Variants in IL6ST observed in about 807,000 individuals in gnomAD.
IL6ST encodes the protein interleukin 6 cytokine family signal transducer.
Under a neutral mutation model 91.3 loss-of-function variants are expected in IL6ST, and 24 were observed. That is an observed-to-expected ratio of 0.26 (90% confidence interval 0.19 to 0.37). The LOEUF (loss-of-function observed/expected upper bound fraction) is 0.37. IL6ST is among the 10% of genes least tolerant of loss of function. The probability of loss-of-function intolerance (pLI) is 1.00; values close to 1 mark genes in which losing one functional copy is unlikely to be tolerated. For missense variants in IL6ST, 914 were observed against 1,078.5 expected (o/e 0.85, Z 2.14); for synonymous variants, 351 against 373.6 (o/e 0.94, Z 0.70).
intron 5 of IL6ST, among the ~76,000 whole-genome samples, chr5:55,964,674 A>G (rs1352345877): frequency 6.6e-6 from 1 of 151,996 alleles, no homozygotes; most frequent in Non-Finnish European, 1.5e-5. Flanking sequence ...TTTAAGCACA[A>G]TATGCTAGAA....
chr5:55,982,971 T>C lies in IL6ST; in HGVS notation c.-103-160A>G, dbSNP rs1224091001. ...CAGAATAAAATAAACCCATAAACAC[T>C]TGTATAAGAGTATTCAAATATTCTA... On this transcript the variant is annotated intron_variant, in intron 1 of 16. Transcript: ENST00000381298. Among the ~76,000 whole-genome samples the C allele has an allele frequency of 5.9e-5, 9 of 152,216 alleles. No homozygotes were observed. In the East Asian group the frequency reaches 1.5e-3, roughly 26 times the overall value.
chr5:55,992,392 T>G (rs1198427135), intron 1 of IL6ST, among the ~76,000 whole-genome samples: 1 of 152,184 alleles, frequency 6.6e-6, no homozygotes, highest in African/African-American at 2.4e-5. Context: ...GCTGTCTATG[T>G]ATGACCTTTA....
At chr5:55,971,896 A>G (rs1232298334) in intron 3 of IL6ST, among the ~76,000 whole-genome samples, 1 of 152,200 alleles carries the variant, frequency 6.6e-6, no homozygotes, top group Non-Finnish European at 1.5e-5. Context: ...CTTTGTTTCA[A>G]ACTTATAATG....
chr5:55,956,657 C>T (rs1751994920), intron 9 of IL6ST, among the ~76,000 whole-genome samples: 1 of 152,092 alleles, frequency 6.6e-6, no homozygotes, highest in South Asian at 2.1e-4. Flanking sequence ...AACAACATTC[C>T]TCTTCTTATA....
intron 3 of IL6ST, among the ~76,000 whole-genome samples, chr5:55,974,903 T>C (rs974259852): frequency 6.6e-6 from 1 of 151,430 alleles, no homozygotes; most frequent in African/African-American, 2.4e-5. Context: ...GTCCTACAGC[T>C]AGTAAGGGGG....
intron 2 of IL6ST, among the ~76,000 whole-genome samples, chr5:55,978,811 T>C (rs760714987): frequency 4.0e-5 from 6 of 151,818 alleles, no homozygotes; most frequent in Non-Finnish European, 8.8e-5. Flanking sequence ...TCCTATCAAG[T>C]TGTAACTAAA....
chr5:55,938,044 T>C lies in IL6ST; in HGVS notation c.*3038A>G, dbSNP rs748007853. 3.7e-5 allele frequency: 7 copies of C among 188,292 alleles called. No individual in the cohort carries two copies. The highest frequency in any genetic ancestry group is 8.5e-5 in the East Asian group (1 of 11,724). 11.7% of individuals were successfully genotyped at this position (188,292 alleles called of 1,614,324 possible). A position where few individuals can be genotyped will look rare whatever the true frequency, so the allele number is the denominator to read the frequency against. ...GGTAGAAAAAAGACATCTTTAATAA[T>C]TGATTTCTATTTCTCAAACTAGATG... On this transcript the variant is annotated 3_prime_UTR_variant, in exon 17 of 17. Transcript: ENST00000381298.
chr5:55,960,706 C>T (rs1256075155), intron 7 of IL6ST, 145 bp from the exon 8 acceptor site: 3 of 613,744 alleles, frequency 4.9e-6, no homozygotes, highest in Non-Finnish European at 8.1e-6. Flanking sequence ...TGGCTCAACA[C>T]AACCTCTACC....
rs1181157289 is a variant in IL6ST at position 55,939,146 on chromosome 5, G to A, written c.*1936C>T. On this transcript the variant is annotated 3_prime_UTR_variant, in exon 17 of 17. Transcript: ENST00000381298. ...AAAATGTAATAGGTATAAATTTCCT[G>A]ACACATACAGCAAGACAAATCCAGC... 1.9e-5 allele frequency: 4 copies of A among 210,540 alleles called. No homozygotes were observed. Among genetic ancestry groups the A allele is most frequent in the Non-Finnish European group, 3.9e-5 (4 of 103,646 alleles). The allele number at this position is 210,540 out of a possible 1,614,324, so 13.0% of individuals were successfully genotyped here.
At chr5:55,955,976 A>C in intron 10 of IL6ST, 49 bp downstream of exon 10, 1 of 1,299,724 alleles carries the variant, frequency 7.7e-7, no homozygotes, top group Non-Finnish European at 1.1e-6. Context: ...TCCATACCTA[A>C]CCACCATTTT....
At chr5:55,960,621 TTAAAATTCA>T (rs1752253481) in intron 7 of IL6ST, 60 bp from the exon 8 acceptor site, 1 of 1,525,542 alleles carries the variant, frequency 6.6e-7, no homozygotes, top group East Asian at 2.3e-5. Flanking sequence ...CTAAATTGTG[TTAAAATTCA>T]GAAACTTTTT....
intron 7 of IL6ST, 85 bp downstream of exon 7, chr5:55,963,267 A>G: frequency 1.0e-6 from 1 of 957,126 alleles, no homozygotes; most frequent in Non-Finnish European, 1.6e-6. Context: ...CAGAAACTTA[A>G]AGACATTTAG....
intron 2 of IL6ST, among the ~76,000 whole-genome samples, chr5:55,977,850 A>ACG (rs1753405922): frequency 6.6e-6 from 1 of 151,288 alleles, no homozygotes; most frequent in African/African-American, 2.4e-5. Context: ...ACACACACAC[A>ACG]CGCCAGGTGT....
rs1039469734 is a variant in IL6ST, at chr5:55,944,866, G to A, written c.1938-2115C>T. ...GTCTCAATGGATCTAGAACTTCATC[G>A]CCCTCTGATCGCCGATCACCTCTGA... is the stretch of plus-strand genomic sequence containing the variant. On this transcript the variant is annotated intron_variant, in intron 15 of 16. Coordinates refer to ENST00000381298, the MANE Select transcript of IL6ST (RefSeq NM_002184.4). 322 of 573,886 alleles carry A rather than the reference G, an allele frequency of 5.6e-4. 2 individuals carry two copies. Among genetic ancestry groups the A allele is most frequent in the South Asian group, 1.9e-3 (121 of 64,496 alleles). 35.5% of individuals were successfully genotyped at this position (573,886 alleles called of 1,614,324 possible).
intron 3 of IL6ST, among the ~76,000 whole-genome samples, chr5:55,974,419 G>A (rs1339145910): frequency 2.0e-5 from 3 of 151,858 alleles, no homozygotes; most frequent in African/African-American, 4.8e-5. Flanking sequence ...TTTGCCTCCC[G>A]GGTTCAAGTG....
rs1322328365 is a variant in IL6ST, at chr5:55,969,554, T to C, written c.366A>G (p.Ser122=). 1 of 1,603,182 alleles carries C rather than the reference T, an allele frequency of 6.2e-7. No homozygotes were observed. The highest frequency in any genetic ancestry group is 1.1e-5 in the South Asian group (1 of 90,478). Residue 122 remains serine, a synonymous_variant, in exon 4 of 17, where the codon TCA becomes TCG. Transcript: ENST00000381298. ...EQNVYGITII[S]GLPPEKPKNL... ...TAAGACAAAAACAAAACTTACAGCC[T>C]GAAATTATTGTGATTCCATAAACAT...
intron 7 of IL6ST, among the ~76,000 whole-genome samples, chr5:55,962,823 G>A (rs1051358491): frequency 2.4e-4 from 36 of 152,130 alleles, no homozygotes; most frequent in African/African-American, 8.4e-4. Context: ...CATCAAAAAT[G>A]CCATTTCTAG....
intron 3 of IL6ST, among the ~76,000 whole-genome samples, chr5:55,974,606 T>G (rs1369632993): frequency 6.6e-6 from 1 of 152,126 alleles, no homozygotes; most frequent in African/African-American, 2.4e-5. Flanking sequence ...TGCCTCAGCC[T>G]CCTGAGTAGT....
At chr5:55,957,182 A>C (rs761507249) in intron 9 of IL6ST, 27 bp downstream of exon 9, 1 of 1,112,508 alleles carries the variant, frequency 9.0e-7, no homozygotes, top group South Asian at 1.4e-5. Flanking sequence ...GATTTATAAG[A>C]GATAAAATAT....
Sources: allele counts gnomAD v4.1 joint callset (sites outside exome capture counted in the v4.1 genomes callset), GRCh38; gene constraint gnomAD v4.1.1; transcripts MANE v1.5; gene names NCBI Gene and HGNC (gene_info 2026-07-23, HGNC 2026-07-21).